The following FAM53B variants were observed in gnomAD, a reference collection of about 807,000 sequenced individuals.
FAM53B encodes protein FAM53B.
FAM53B carries 12 observed loss-of-function variants against 32.7 expected under a neutral mutation model. The observed-to-expected ratio is 0.37, with a 90% CI of 0.24 to 0.59. The LOEUF (loss-of-function observed/expected upper bound fraction) is 0.59, where lower values mean the gene tolerates loss of function less well. Among genes scored for constraint, FAM53B ranks in the 20% least tolerant of loss-of-function variants. The pLI, the probability that FAM53B is intolerant of heterozygous loss-of-function variation, is 0.72. For synonymous variants in FAM53B, 234 were observed against 228.7 expected (o/e 1.02, Z -0.21); for missense variants, 477 against 577.7 (o/e 0.83, Z 1.79).
chr10:124,686,893 G>A (rs1949806269), intron 3 of FAM53B, among the ~76,000 whole-genome samples: 1 of 152,208 alleles, frequency 6.6e-6, no homozygotes, highest in Non-Finnish European at 1.5e-5. Context: ...CCCTACCTGG[G>A]CCATGTGGCC....
chr10:124,629,325 G>A (rs567425848), intron 4 of FAM53B, among the ~76,000 whole-genome samples: 4 of 152,240 alleles, frequency 2.6e-5, no homozygotes, highest in Non-Finnish European at 5.9e-5. Context: ...TCCCTTTTGG[G>A]CAAGCGAAGA....
chr10:124,730,798 T>C (rs535221143), intron 1 of FAM53B, among the ~76,000 whole-genome samples: 52 of 152,184 alleles, frequency 3.4e-4, no homozygotes, highest in Non-Finnish European at 6.6e-4. Context: ...GCTAACATAC[T>C]GAACAGCCCA....
At chr10:124,732,254 C>T (rs1006584048) in intron 1 of FAM53B, among the ~76,000 whole-genome samples, 12 of 152,226 alleles carry the variant, frequency 7.9e-5, no homozygotes, top group Non-Finnish European at 1.3e-4. Context: ...CAACAGCGCC[C>T]AAAGCCTGGC....
At chr10:124,630,648 C>T (rs185754510) in intron 4 of FAM53B, among the ~76,000 whole-genome samples, 1 of 152,308 alleles carries the variant, frequency 6.6e-6, no homozygotes, top group Non-Finnish European at 1.5e-5. Flanking sequence ...GGAAGCTCCA[C>T]TGATTTGGCA....
At chr10:124,690,616 C>T (rs1178545291) in intron 3 of FAM53B, among the ~76,000 whole-genome samples, 1 of 152,248 alleles carries the variant, frequency 6.6e-6, no homozygotes, top group African/African-American at 2.4e-5. Flanking sequence ...ATGTGCCAAC[C>T]ACATTTTACA....
chr10:124,691,289 C>T (rs1487994596), intron 3 of FAM53B, among the ~76,000 whole-genome samples: 1 of 152,172 alleles, frequency 6.6e-6, no homozygotes, highest in East Asian at 1.9e-4. Context: ...AAAGTAAGGG[C>T]TTATAATTAA....
intron 3 of FAM53B, among the ~76,000 whole-genome samples, chr10:124,691,132 T>C (rs2134074424): frequency 6.6e-6 from 1 of 152,334 alleles, no homozygotes; most frequent in African/African-American, 2.4e-5. Context: ...GACCAAAAGC[T>C]ACCAAATCTC....
chr10:124,693,888 C>T (rs1589753022), intron 3 of FAM53B, among the ~76,000 whole-genome samples: 1 of 152,226 alleles, frequency 6.6e-6, no homozygotes, highest in African/African-American at 2.4e-5. Context: ...CACTCTATCC[C>T]TCACCAGGTG....
intron 1 of FAM53B, among the ~76,000 whole-genome samples, chr10:124,723,981 T>TC (rs1311484336): frequency 6.6e-6 from 1 of 152,206 alleles, no homozygotes; most frequent in Non-Finnish European, 1.5e-5. Context: ...TCGTCCCAAG[T>TC]CCAACACGCA....
At chr10:124,638,164 T>C (rs899654601) in intron 4 of FAM53B, among the ~76,000 whole-genome samples, 1 of 152,118 alleles carries the variant, frequency 6.6e-6, no homozygotes, top group Non-Finnish European at 1.5e-5. Flanking sequence ...GGTCAGGAGA[T>C]TGAGACCATC....
chr10:124,687,467 T>C (rs954133142), intron 3 of FAM53B, among the ~76,000 whole-genome samples: 14 of 152,198 alleles, frequency 9.2e-5, no homozygotes, highest in Non-Finnish European at 1.6e-4. Context: ...GAGAATTAAA[T>C]AGGCATCTCA....
chr10:124,692,201 G>A (rs1949837117), intron 3 of FAM53B, among the ~76,000 whole-genome samples: 3 of 152,236 alleles, frequency 2.0e-5, no homozygotes, highest in Admixed American at 2.0e-4. Flanking sequence ...CTGAGCCCTG[G>A]TGCAGGGCTG....
chr10:124,622,239 C>G lies in FAM53B; in HGVS notation c.*1003G>C, dbSNP rs1192667289. Reference sequence around the variant, plus strand: ...GGAGGTGCCTGGAATCCTGCAGGGGCCCCTGCAGAGTGGCCAGCGGACGCC... The same window carrying G: ...GGAGGTGCCTGGAATCCTGCAGGGGGCCCTGCAGAGTGGCCAGCGGACGCC... On this transcript the variant is annotated 3_prime_UTR_variant, in exon 5 of 5. Coordinates refer to ENST00000337318, the MANE Select transcript of FAM53B (RefSeq NM_014661.4). 6.6e-6 allele frequency: 1 copy of G among 152,142 alleles called. No homozygotes were observed. Among genetic ancestry groups the G allele is most frequent in the Non-Finnish European group, 1.5e-5 (1 of 68,052 alleles). The allele number at this position is 152,142 out of a possible 1,614,324, so 9.4% of individuals were successfully genotyped here. A position where few individuals can be genotyped will look rare whatever the true frequency, so the allele number is the denominator to read the frequency against.
chr10:124,686,625 G>A lies in FAM53B; in HGVS notation c.134-4246C>T, dbSNP rs527821905. Reference sequence around the variant, plus strand: ...GTACCTGAACTTTAATTACTGATCTGCGTACACATCTACTTCTCCTCCTAA... The same window carrying A: ...GTACCTGAACTTTAATTACTGATCTACGTACACATCTACTTCTCCTCCTAA... On this transcript the variant is annotated intron_variant, in intron 3 of 4. Transcript: ENST00000337318. Among the ~76,000 whole-genome samples, 17 of 152,298 alleles carry A rather than the reference G, an allele frequency of 1.1e-4. No homozygotes were observed. In the South Asian group the frequency reaches 3.3e-3, roughly 30 times the overall value.
chr10:124,681,027 G>A (rs192903022), intron 4 of FAM53B, among the ~76,000 whole-genome samples: 3 of 152,372 alleles, frequency 2.0e-5, no homozygotes, highest in East Asian at 1.9e-4. Flanking sequence ...TGACAGGGGC[G>A]TGTGGCCAGA....
chr10:124,706,609 A>T (rs777704227), intron 2 of FAM53B, 27 bp downstream of exon 2: 1 of 1,614,100 alleles, frequency 6.2e-7, no homozygotes, highest in Admixed American at 1.7e-5. Flanking sequence ...ATGGTCATGG[A>T]AAGCAGGAAG....
At chr10:124,683,714 C>G (rs531083951) in intron 3 of FAM53B, among the ~76,000 whole-genome samples, 1 of 142,578 alleles carries the variant, frequency 7.0e-6, no homozygotes, top group African/African-American at 2.4e-5. Context: ...TACACTGCAG[C>G]GCTGAGGTGG....
chr10:124,725,907 G>A (rs1421131902), intron 1 of FAM53B, among the ~76,000 whole-genome samples: 1 of 152,170 alleles, frequency 6.6e-6, no homozygotes, highest in East Asian at 1.9e-4. Context: ...AGGCAGCCAA[G>A]ACCCACACAG....
intron 4 of FAM53B, chr10:124,667,559 A>G: frequency 1.5e-6 from 1 of 655,150 alleles, no homozygotes; most frequent in South Asian, 1.7e-5. Flanking sequence ...CCACATCCAC[A>G]GGGCTGAGGA....
Sources: allele counts gnomAD v4.1 joint callset (sites outside exome capture counted in the v4.1 genomes callset), GRCh38; gene constraint gnomAD v4.1.1; transcripts MANE v1.5; gene names NCBI Gene and HGNC (gene_info 2026-07-23, HGNC 2026-07-21).